Variants in ZNF385D observed in about 807,000 individuals in gnomAD.
ZNF385D encodes zinc finger protein 659.
Under a neutral mutation model 35.8 loss-of-function variants are expected in ZNF385D, and 15 were observed. The ratio of observed to expected loss-of-function variants is 0.42; its 90% CI spans 0.28 to 0.64. The LOEUF is 0.64. Ranked by LOEUF, ZNF385D falls within the 30% of genes least tolerant of loss-of-function variation. The pLI, the probability that ZNF385D is intolerant of heterozygous loss-of-function variation, is 0.23. For synonymous variants in ZNF385D, 212 were observed against 186.8 expected (o/e 1.13, Z -1.10); for missense variants, 474 against 494.6 (o/e 0.96, Z 0.39).
chr3:22,125,498 T>A (rs1410825199), intron 3 of ZNF385D, among the ~76,000 whole-genome samples: 3 of 152,108 alleles, frequency 2.0e-5, no homozygotes, highest in Non-Finnish European at 4.4e-5. Context: ...GTGGATTGCT[T>A]TGAATAGTAT....
intron 1 of ZNF385D, among the ~76,000 whole-genome samples, chr3:21,691,070 C>T (rs1287054098): frequency 2.0e-5 from 3 of 152,056 alleles, no homozygotes; most frequent in African/African-American, 7.2e-5. Flanking sequence ...TCCTTTCTTT[C>T]CGCTCTAGCC....
At chr3:22,019,895 C>T (rs1697121418) in intron 3 of ZNF385D, among the ~76,000 whole-genome samples, 2 of 151,740 alleles carry the variant, frequency 1.3e-5, no homozygotes, top group South Asian at 4.1e-4. Flanking sequence ...TTCAGTATAC[C>T]TAGTTCACTT....
intron 3 of ZNF385D, among the ~76,000 whole-genome samples, chr3:22,004,452 G>C (rs1051336049): frequency 1.3e-5 from 2 of 152,078 alleles, no homozygotes; most frequent in African/African-American, 4.8e-5. Flanking sequence ...AAACTAAAAA[G>C]CTTTTGCACA....
In ZNF385D at chr3:21,758,018, TC is replaced by T. The variant is rs1322435950; in HGVS notation, c.326-92991del. On this transcript the variant is annotated intron_variant, in intron 3 of 5. Transcript: ENST00000494108. ...TTATATTCTACCAAGAATGCCCTTT[TC>T]TGTTCCCCTTTATTTGTCTTACAAG... is the stretch of plus-strand genomic sequence containing the variant. 2.0e-5 allele frequency among the ~76,000 whole-genome samples: 3 copies of T among 152,334 alleles called. No individual in the cohort carries two copies. In the East Asian group the frequency reaches 5.8e-4, roughly 29 times the overall value.
intron 2 of ZNF385D, among the ~76,000 whole-genome samples, chr3:21,619,881 G>T (rs1364565990): frequency 6.6e-6 from 1 of 152,148 alleles, no homozygotes; most frequent in African/African-American, 2.4e-5. Context: ...GTGGAAGCTA[G>T]GAAGCTCTTG....
intron 3 of ZNF385D, among the ~76,000 whole-genome samples, chr3:21,927,688 T>C (rs561317206): frequency 2.0e-5 from 3 of 152,194 alleles, no homozygotes; most frequent in African/African-American, 7.2e-5. Flanking sequence ...AGAGTGAATA[T>C]TCTGATATCA....
At chr3:22,223,793 C>T (rs181676166) in intron 2 of ZNF385D, among the ~76,000 whole-genome samples, 7 of 152,122 alleles carry the variant, frequency 4.6e-5, no homozygotes, top group East Asian at 3.9e-4. Flanking sequence ...TAATGATTTC[C>T]GACATTATTC....
chr3:22,334,649 G>C (rs1272450377), intron 2 of ZNF385D, among the ~76,000 whole-genome samples: 1 of 152,052 alleles, frequency 6.6e-6, no homozygotes, highest in African/African-American at 2.4e-5. Context: ...TTTACATCAA[G>C]ATTTTGAAGA....
At chr3:21,724,751 A>G (rs187263648) in intron 1 of ZNF385D, among the ~76,000 whole-genome samples, 1 of 152,154 alleles carries the variant, frequency 6.6e-6, no homozygotes, top group Admixed American at 6.6e-5. Context: ...TTAACACCCC[A>G]CTGTCAATAT....
chr3:22,078,227 T>G (rs996075349), intron 3 of ZNF385D, among the ~76,000 whole-genome samples: 2 of 152,022 alleles, frequency 1.3e-5, no homozygotes, highest in Non-Finnish European at 2.9e-5. Context: ...TAGACCCTTT[T>G]CAAAAGATAT....
At chr3:22,296,096 G>A (rs7429312) in intron 2 of ZNF385D, among the ~76,000 whole-genome samples, 24,315 of 152,084 alleles carry the variant, frequency 0.16, 4,111 homozygotes, top group African/African-American at 0.43. Flanking sequence ...GTAAGGTTAT[G>A]AATCAATCCA....
chr3:21,709,174 G>C (rs1266119200), intron 1 of ZNF385D, among the ~76,000 whole-genome samples: 9 of 152,130 alleles, frequency 5.9e-5, no homozygotes, highest in Admixed American at 5.9e-4. Flanking sequence ...ATACCATAAT[G>C]TTTATTTCCA....
chr3:22,168,893 T>C (rs909198390), exon 3 of ZNF385D: 8 of 985,886 alleles, frequency 8.1e-6, no homozygotes, highest in Non-Finnish European at 9.6e-6. Flanking sequence ...AGTGGATTTG[T>C]GCTTGAGCGG....
intron 2 of ZNF385D, among the ~76,000 whole-genome samples, chr3:22,328,858 G>A (rs796123755): frequency 5.3e-5 from 8 of 150,886 alleles, no homozygotes; most frequent in African/African-American, 1.9e-4. Context: ...GGCGGATCAC[G>A]AGGTCAGGAG....
chr3:21,982,776 T>C (rs1455526245), intron 3 of ZNF385D, among the ~76,000 whole-genome samples: 2 of 151,948 alleles, frequency 1.3e-5, no homozygotes, highest in Non-Finnish European at 2.9e-5. Context: ...CTAGTTTATT[T>C]AGAGTTGTTA....
intron 3 of ZNF385D, among the ~76,000 whole-genome samples, chr3:22,061,691 A>C (rs1699694553): frequency 6.6e-6 from 1 of 152,212 alleles, no homozygotes; most frequent in South Asian, 2.1e-4. Flanking sequence ...ATCTTGTCAA[A>C]GAGGCCTTCT....
intron 3 of ZNF385D, among the ~76,000 whole-genome samples, chr3:21,825,734 A>G (rs1052489806): frequency 2.0e-5 from 3 of 152,188 alleles, no homozygotes; most frequent in African/African-American, 7.2e-5. Context: ...TCTCTCTCTC[A>G]AATTATGAAG....
intron 3 of ZNF385D, among the ~76,000 whole-genome samples, chr3:22,127,006 T>C (rs1288967941): frequency 1.3e-5 from 2 of 152,298 alleles, no homozygotes; most frequent in Admixed American, 1.3e-4. Context: ...CTGTTCTTTT[T>C]TGGCTTTCAT....
intron 2 of ZNF385D, among the ~76,000 whole-genome samples, chr3:21,587,360 C>T (rs2063841862): frequency 6.6e-6 from 1 of 152,080 alleles, no homozygotes; most frequent in Non-Finnish European, 1.5e-5. Flanking sequence ...CAGCCTGTAG[C>T]AACTGGAAGA....
Sources: allele counts gnomAD v4.1 joint callset (sites outside exome capture counted in the v4.1 genomes callset), GRCh38; gene constraint gnomAD v4.1.1; transcripts MANE v1.5; gene names NCBI Gene and HGNC (gene_info 2026-07-23, HGNC 2026-07-21).